DDAH1: variants seen among roughly 807,000 people sequenced by gnomAD.
The protein encoded by DDAH1 is dimethylarginine dimethylaminohydrolase 1, also known as N(G),N(G)-dimethylarginine dimethylaminohydrolase 1.
A neutral mutation model predicts 28.8 loss-of-function variants in DDAH1; 19 were observed. That is an observed-to-expected ratio of 0.66 (90% CI 0.46 to 0.97). The LOEUF is 0.97. Among genes scored for constraint, DDAH1 ranks in the 50% least tolerant of loss-of-function variants. The pLI is 0.00. For missense variants in DDAH1, 326 were observed against 375.9 expected (o/e 0.87, Z 1.10); for synonymous variants, 153 against 154.4 (o/e 0.99, Z 0.07).
chr1:85,493,899 C>T (rs2100731211), intron 2 of DDAH1: 1 of 152,280 alleles, frequency 6.6e-6, no homozygotes, highest in South Asian at 2.1e-4. Context: ...TATTGGCTAA[C>T]TGTGTATTTC....
intron 1 of DDAH1, chr1:85,379,552 G>A: frequency 1.0e-6 from 1 of 977,028 alleles, no homozygotes; most frequent in Non-Finnish European, 1.2e-6. Context: ...CATTTCTACA[G>A]AAAGGAAACT....
At chr1:85,413,978 T>G (rs1652773354) in intron 1 of DDAH1, among the ~76,000 whole-genome samples, 1 of 152,232 alleles carries the variant, frequency 6.6e-6, no homozygotes, top group Non-Finnish European at 1.5e-5. Context: ...CATATGAAAA[T>G]GTGTTTCCTA....
At chr1:85,486,241 A>C (rs1271571320) in intron 2 of DDAH1, among the ~76,000 whole-genome samples, 1 of 152,324 alleles carries the variant, frequency 6.6e-6, no homozygotes, top group South Asian at 2.1e-4. Flanking sequence ...GCTGTCATCT[A>C]TGCTTTAGAA....
chr1:85,423,297 A>G (rs1653236446), intron 1 of DDAH1, among the ~76,000 whole-genome samples: 1 of 152,196 alleles, frequency 6.6e-6, no homozygotes, highest in African/African-American at 2.4e-5. Flanking sequence ...GCCATTATCT[A>G]CAGGAAAGCT....
Position 85,362,849 on chromosome 1 carries a change from G to C in DDAH1, c.304-4002C>G, listed in dbSNP as rs115434992. On this transcript the variant is annotated intron_variant, in intron 1 of 5. Transcript: ENST00000284031. ...GATTTTGGCTACCTTTCAAAAACAA[G>C]TAAAAGATAAAAAATACAATTTTCT... Among the ~76,000 whole-genome samples, 953 of 152,198 alleles carry C rather than the reference G, an allele frequency of 6.3e-3. 9 individuals carry two copies. The highest frequency in any genetic ancestry group is 0.022 in the African/African-American group (924 of 41,532).
upstream of DDAH1, among the ~76,000 whole-genome samples, chr1:85,468,304 T>C (rs987399338): frequency 1.4e-4 from 22 of 152,344 alleles, no homozygotes; most frequent in Non-Finnish European, 2.2e-4. Flanking sequence ...CTCTTCTACA[T>C]GTGGCATCCA....
intron 1 of DDAH1, among the ~76,000 whole-genome samples, chr1:85,460,695 A>C (rs753076265): frequency 1.3e-4 from 20 of 152,212 alleles, no homozygotes; most frequent in South Asian, 4.1e-4. Context: ...TTCATTAGGT[A>C]CTAAGAACCT....
upstream of DDAH1, among the ~76,000 whole-genome samples, chr1:85,468,503 T>C (rs1482113556): frequency 6.6e-6 from 1 of 151,414 alleles, no homozygotes; most frequent in African/African-American, 2.4e-5. Context: ...GCAAGACAGC[T>C]TGTGTAGGGG....
intron 1 of DDAH1, among the ~76,000 whole-genome samples, chr1:85,420,913 G>T (rs775883706): frequency 6.6e-6 from 1 of 152,174 alleles, no homozygotes; most frequent in Non-Finnish European, 1.5e-5. Context: ...ATTGGCTCAG[G>T]GTTCTGCAGG....
chr1:85,381,595 T>C (rs1268429719), intron 1 of DDAH1, among the ~76,000 whole-genome samples: 3 of 152,170 alleles, frequency 2.0e-5, no homozygotes, highest in Admixed American at 1.3e-4. Flanking sequence ...CTAGTCTTTG[T>C]TCCTTTATAT....
chr1:85,549,846 T>C (rs553779978), intron 1 of DDAH1, among the ~76,000 whole-genome samples: 1 of 152,294 alleles, frequency 6.6e-6, no homozygotes, highest in South Asian at 2.1e-4. Flanking sequence ...CTTGGAAGAG[T>C]GATTAAGTAA....
At chr1:85,512,268 A>C (rs555233391) in intron 1 of DDAH1, among the ~76,000 whole-genome samples, 2 of 152,350 alleles carry the variant, frequency 1.3e-5, no homozygotes, top group East Asian at 3.9e-4. Context: ...ATCTCAATAG[A>C]TGCAGAAAAG....
intron 1 of DDAH1, among the ~76,000 whole-genome samples, chr1:85,451,711 G>A (rs1654677427): frequency 2.0e-5 from 3 of 152,284 alleles, no homozygotes; most frequent in South Asian, 4.2e-4. Context: ...ATGCTAGAGG[G>A]GTGATGAAGA....
intron 1 of DDAH1, among the ~76,000 whole-genome samples, chr1:85,363,171 C>A (rs1649882979): frequency 6.6e-6 from 1 of 152,140 alleles, no homozygotes; most frequent in Admixed American, 6.5e-5. Context: ...CATCTTCGTT[C>A]TAAATGTTGT....
At chr1:85,370,501 T>C (rs1487048515) in intron 1 of DDAH1, among the ~76,000 whole-genome samples, 3 of 152,204 alleles carry the variant, frequency 2.0e-5, no homozygotes, top group Admixed American at 1.3e-4. Flanking sequence ...GGGAGTGATA[T>C]AATTTAATTT....
intron 2 of DDAH1, chr1:85,488,462 A>G (rs1270905826): frequency 6.6e-6 from 1 of 152,148 alleles, no homozygotes; most frequent in African/African-American, 2.4e-5. Context: ...ACATCATGAG[A>G]GTCCCACCCT....
chr1:85,353,028 C>T lies in DDAH1; in HGVS notation c.404-1449G>A, dbSNP rs151263156. 3.1e-3 allele frequency among the ~76,000 whole-genome samples: 476 copies of T among 152,124 alleles called. 3 individuals carry two copies. Among genetic ancestry groups the T allele is most frequent in the African/African-American group, 0.011 (450 of 41,488 alleles). On this transcript the variant is annotated intron_variant, in intron 2 of 5. Transcript: ENST00000284031. ...GTCTTCAGGTCTGACCTCTAAAAGCCGTGTCTTTGAAACTACACATTCCAT... is the reference window on the plus strand; with the variant it reads ...GTCTTCAGGTCTGACCTCTAAAAGCTGTGTCTTTGAAACTACACATTCCAT...
Position 85,464,386 on chromosome 1 carries a change from C to A in DDAH1, c.303+357G>T, listed in dbSNP as rs905012299. 25 of 1,022,728 alleles carry A rather than the reference C, an allele frequency of 2.4e-5. No individual in the cohort carries two copies. Among genetic ancestry groups the A allele is most frequent in the Non-Finnish European group, 3.1e-5 (23 of 736,628 alleles). 63.4% of individuals were successfully genotyped at this position (1,022,728 alleles called of 1,614,324 possible). A position where few individuals can be genotyped will look rare whatever the true frequency, so the allele number is the denominator to read the frequency against. The stretch of plus-strand genomic sequence containing the variant: ...CTCCACCCGCCCTACCGGAGCGGCA[C>A]CCCTCGCGGCCCTCGCTCCCTGGGA... On this transcript the variant is annotated intron_variant, in intron 1 of 5. Coordinates refer to ENST00000284031, the MANE Select transcript of DDAH1 (RefSeq NM_012137.4). This position sits in a 1 kb window ranked among gnomAD's most constrained non-coding sequence, Gnocchi z 4.4.
chr1:85,498,567 C>A (rs911003064), intron 1 of DDAH1, among the ~76,000 whole-genome samples: 1 of 151,736 alleles, frequency 6.6e-6, no homozygotes, highest in Non-Finnish European at 1.5e-5. Context: ...CTAGATAGCC[C>A]AAAATAAAAC....
Sources: allele counts gnomAD v4.1 joint callset (sites outside exome capture counted in the v4.1 genomes callset), GRCh38; gene constraint gnomAD v4.1.1; non-coding constraint Gnocchi (gnomAD v3.1); transcripts MANE v1.5; gene names NCBI Gene and HGNC (gene_info 2026-07-23, HGNC 2026-07-21).